Variants in CLVS1 observed in about 807,000 individuals in gnomAD.
CLVS1 encodes clavesin-1.
In CLVS1, 10 loss-of-function variants were observed where a neutral mutation model predicts 33.1. The ratio of observed to expected loss-of-function variants is 0.30; its 90% CI spans 0.19 to 0.51. CLVS1 has a LOEUF of 0.51. Among genes scored for constraint, CLVS1 ranks in the 20% least tolerant of loss-of-function variants. The pLI is 0.97. For missense variants in CLVS1, 343 were observed against 433.4 expected, an observed-to-expected ratio of 0.79 and a Z score of 1.85; for synonymous variants, 163 against 166.1, an observed-to-expected ratio of 0.98 and a Z score of 0.14.
chr8:61,140,125 G>GT (rs1233604457), intron 2 of CLVS1, among the ~76,000 whole-genome samples: 2 of 152,250 alleles, frequency 1.3e-5, no homozygotes, highest in African/African-American at 4.8e-5. Flanking sequence ...GGAGGGCTGG[G>GT]TTAGCAGGAG....
chr8:61,038,794 G>A, the CLVS1 span, among the ~76,000 whole-genome samples: 11 of 152,116 alleles, frequency 7.2e-5, no homozygotes, highest in Middle Eastern at 3.2e-3. Context: ...AGTGCTCAGC[G>A]CATGTGAACC....
intron 2 of CLVS1, among the ~76,000 whole-genome samples, chr8:61,183,917 G>A (rs1051516494): frequency 3.3e-5 from 5 of 152,200 alleles, no homozygotes; most frequent in Non-Finnish European, 7.3e-5. Context: ...ATGGGAAGAT[G>A]TGTTTTCCTC....
chr8:61,342,079 C>G (rs542570530), intron 2 of CLVS1, among the ~76,000 whole-genome samples: 10 of 152,212 alleles, frequency 6.6e-5, no homozygotes, highest in African/African-American at 2.4e-4. Context: ...GAAGTTTGCC[C>G]AAATCTCTCT....
At chr8:61,357,446 G>A (rs1222261897) in intron 2 of CLVS1, among the ~76,000 whole-genome samples, 1 of 92,818 alleles carries the variant, frequency 1.1e-5, no homozygotes, top group Non-Finnish European at 2.4e-5. Context: ...CAACTTTTCT[G>A]TTTGCCAGGA....
intron 2 of CLVS1, among the ~76,000 whole-genome samples, chr8:61,187,341 G>T (rs1807362793): frequency 6.6e-6 from 1 of 151,854 alleles, no homozygotes; most frequent in African/African-American, 2.4e-5. Flanking sequence ...TTTCCTTATT[G>T]TCTTTGATTT....
At chr8:60,999,791 C>G in the CLVS1 span, among the ~76,000 whole-genome samples, 1 of 152,126 alleles carries the variant, frequency 6.6e-6, no homozygotes. Context: ...TGTCCAATGG[C>G]TGTATAGCAG....
chr8:61,405,024 G>T (rs1814931988), intron 3 of CLVS1, among the ~76,000 whole-genome samples: 1 of 152,152 alleles, frequency 6.6e-6, no homozygotes, highest in Non-Finnish European at 1.5e-5. Context: ...TGGGCTCAGG[G>T]GAAACAGCTG....
intron 1 of CLVS1, among the ~76,000 whole-genome samples, chr8:61,109,481 CAT>C (rs1805591181): frequency 6.6e-6 from 1 of 151,956 alleles, no homozygotes; most frequent in Admixed American, 6.6e-5. Context: ...TATATAATAA[CAT>C]AAATATTTAT....
At chr8:61,206,309 T>A (rs1399515024) in intron 2 of CLVS1, among the ~76,000 whole-genome samples, 3 of 152,204 alleles carry the variant, frequency 2.0e-5, no homozygotes, top group Non-Finnish European at 4.4e-5. Flanking sequence ...CCAATGAGTA[T>A]ATATTCAGGA....
chr8:61,356,020 A>C (rs1388170855), intron 2 of CLVS1, among the ~76,000 whole-genome samples: 3 of 152,220 alleles, frequency 2.0e-5, no homozygotes, highest in Non-Finnish European at 4.4e-5. Flanking sequence ...ACTAGTTTAC[A>C]GTCCCACCAA....
chr8:61,143,496 A>T (rs1418181278), intron 2 of CLVS1, among the ~76,000 whole-genome samples: 2 of 152,038 alleles, frequency 1.3e-5, no homozygotes, highest in East Asian at 3.9e-4. Context: ...TCAGAGAACC[A>T]CCCAGAACAT....
the CLVS1 span, among the ~76,000 whole-genome samples, chr8:61,019,365 A>G: frequency 1.3e-5 from 2 of 152,094 alleles, no homozygotes. Context: ...GTCTAAACTG[A>G]TCCTCCTGGC....
chr8:61,386,194 A>G (rs1411564074), intron 3 of CLVS1, among the ~76,000 whole-genome samples: 3 of 152,194 alleles, frequency 2.0e-5, no homozygotes, highest in Admixed American at 2.0e-4. Context: ...TAAAACCTTG[A>G]TTCTAGAATC....
chr8:61,313,002 G>A (rs976313779), intron 2 of CLVS1, among the ~76,000 whole-genome samples: 16 of 152,070 alleles, frequency 1.1e-4, no homozygotes, highest in Non-Finnish European at 2.2e-4. Context: ...TTATCCAAAG[G>A]TCATCTTCCA....
the CLVS1 span, among the ~76,000 whole-genome samples, chr8:60,970,258 T>C: frequency 5.3e-5 from 8 of 152,206 alleles, no homozygotes; most frequent in African/African-American, 1.9e-4. Flanking sequence ...CGCCATTCTG[T>C]CTCCTCATCT....
chr8:61,354,343 G>A (rs1812597015), intron 2 of CLVS1, among the ~76,000 whole-genome samples: 2 of 151,832 alleles, frequency 1.3e-5, no homozygotes, highest in South Asian at 2.1e-4. Flanking sequence ...TAAGGAAACT[G>A]GATTACTCAT....
At chr8:61,480,217 G>A (rs1339327577) in intron 5 of CLVS1, among the ~76,000 whole-genome samples, 1 of 152,266 alleles carries the variant, frequency 6.6e-6, no homozygotes, top group African/African-American at 2.4e-5. Flanking sequence ...TCCTTGAGCT[G>A]TGGTGGGCTC....
intron 3 of CLVS1, among the ~76,000 whole-genome samples, chr8:61,383,660 T>G (rs1258261734): frequency 6.6e-6 from 1 of 152,220 alleles, no homozygotes; most frequent in Non-Finnish European, 1.5e-5. Flanking sequence ...TTATTAAGTA[T>G]CAATTAAACT....
At chr8:61,144,569 C>T (rs557330739) in intron 2 of CLVS1, among the ~76,000 whole-genome samples, 30 of 152,108 alleles carry the variant, frequency 2.0e-4, no homozygotes, top group African/African-American at 7.2e-4. Flanking sequence ...TGGGTATATA[C>T]CCAGTAATGG....
Sources: gnomAD v4.1 joint callset for allele counts (sites outside exome capture counted in the v4.1 genomes callset) on GRCh38, gnomAD v4.1.1 for gene constraint, MANE v1.5 for transcripts, NCBI Gene and HGNC (gene_info 2026-07-23, HGNC 2026-07-21) for gene names.